GATAD2B: variants seen among roughly 807,000 people sequenced by gnomAD.
The protein encoded by GATAD2B is GATA zinc finger domain containing 2B.
A neutral mutation model predicts 64.3 loss-of-function variants in GATAD2B; 8 were observed. The ratio of observed to expected loss-of-function variants is 0.12; its 90% confidence interval spans 0.07 to 0.22. The LOEUF is 0.22. Among genes scored for constraint, GATAD2B ranks in the 10% least tolerant of loss-of-function variants. GATAD2B has a pLI of 1.00. For missense variants in GATAD2B, 453 were observed against 752.0 expected (o/e 0.60, Z 4.65); for synonymous variants, 281 against 271.3 (o/e 1.04, Z -0.35).
At position 153,848,692 on chromosome 1, in the gene GATAD2B, G is replaced by A. The variant is rs78375770; in HGVS notation, c.-1-20344C>T. On this transcript the variant is annotated intron_variant, in intron 1 of 10. Coordinates refer to ENST00000368655, the MANE Select transcript of GATAD2B (RefSeq NM_020699.4). ...TAGTCCATTATGCATGGTGGCTAAC[G>A]CCTGTACTTCAAGCACTTTGGGAGG... 9.3e-4 allele frequency among the ~76,000 whole-genome samples: 142 copies of A among 152,252 alleles called. 1 individual carries two copies. The East Asian group carries it at 0.023, about 24-fold the overall frequency.
chr1:153,908,033 G>A (rs1678001014), intron 1 of GATAD2B, among the ~76,000 whole-genome samples: 1 of 152,180 alleles, frequency 6.6e-6, no homozygotes, highest in Admixed American at 6.6e-5. Context: ...TTGAACTCCT[G>A]ACCTCATGAT....
chr1:153,821,444 T>C (rs1039646834), intron 2 of GATAD2B, among the ~76,000 whole-genome samples: 1 of 152,176 alleles, frequency 6.6e-6, no homozygotes, highest in African/African-American at 2.4e-5. Context: ...TAAATTTGTC[T>C]AGATTGCTGG....
At chr1:153,813,661 C>T (rs1396430107) in intron 7 of GATAD2B, among the ~76,000 whole-genome samples, 1 of 152,160 alleles carries the variant, frequency 6.6e-6, no homozygotes. Context: ...TCCTCATTTA[C>T]AAATGAGGAC....
chr1:153,847,540 G>A (rs1293886186), intron 1 of GATAD2B, among the ~76,000 whole-genome samples: 3 of 152,112 alleles, frequency 2.0e-5, no homozygotes. Context: ...GAATCACTGA[G>A]CCCGGCCTAA....
At chr1:153,849,363 G>A (rs1675807770) in intron 1 of GATAD2B, among the ~76,000 whole-genome samples, 3 of 152,106 alleles carry the variant, frequency 2.0e-5, no homozygotes, top group African/African-American at 7.2e-5. Context: ...CTTCTTAAAG[G>A]TCCCACTTCT....
chr1:153,881,158 C>T (rs7521632), intron 1 of GATAD2B, among the ~76,000 whole-genome samples: 1 of 152,012 alleles, frequency 6.6e-6, no homozygotes, highest in African/African-American at 2.4e-5. Flanking sequence ...CACACACGAG[C>T]GCGCGCACAT....
intron 2 of GATAD2B, among the ~76,000 whole-genome samples, chr1:153,826,099 G>A (rs905763830): frequency 5.3e-5 from 8 of 151,854 alleles, no homozygotes; most frequent in African/African-American, 1.9e-4. Flanking sequence ...CACCTCCCGG[G>A]TTCACACCAT....
chr1:153,852,011 A>T (rs1570959425), intron 1 of GATAD2B: 11 of 383,098 alleles, frequency 2.9e-5, no homozygotes, highest in East Asian at 2.6e-4. Flanking sequence ...CTTGCTTCCC[A>T]ATTTAGGGTT....
chr1:153,839,627 G>A (rs1430959762), intron 1 of GATAD2B, among the ~76,000 whole-genome samples: 1 of 152,168 alleles, frequency 6.6e-6, no homozygotes, highest in Non-Finnish European at 1.5e-5. Context: ...TATTTATAAT[G>A]AAGGAGACAA....
At chr1:153,852,783 T>C (rs1442239340) in intron 1 of GATAD2B, 15 of 949,428 alleles carry the variant, frequency 1.6e-5, no homozygotes, top group Non-Finnish European at 2.4e-5. Context: ...CATAACAACT[T>C]GGCTTCTGAA....
At chr1:153,872,866 G>T (rs1197832854) in intron 1 of GATAD2B, among the ~76,000 whole-genome samples, 1 of 151,958 alleles carries the variant, frequency 6.6e-6, no homozygotes, top group African/African-American at 2.4e-5. Flanking sequence ...TGTTTTTTGA[G>T]TACTTCCCAT....
At chr1:153,826,698 G>C (rs1235023920) in intron 2 of GATAD2B, among the ~76,000 whole-genome samples, 3 of 152,078 alleles carry the variant, frequency 2.0e-5, no homozygotes, top group African/African-American at 7.2e-5. Flanking sequence ...CCAGCACTTT[G>C]GGAGGCCAAT....
intron 1 of GATAD2B, among the ~76,000 whole-genome samples, chr1:153,877,869 C>T (rs1425499444): frequency 7.0e-6 from 1 of 143,612 alleles, no homozygotes; most frequent in East Asian, 2.0e-4. Context: ...CAGAGTGAGA[C>T]TCCATCTCAA....
chr1:153,873,507 A>G (rs1043163045), intron 1 of GATAD2B, among the ~76,000 whole-genome samples: 9 of 152,214 alleles, frequency 5.9e-5, no homozygotes, highest in African/African-American at 2.2e-4. Context: ...ATAAAAGCCA[A>G]TGTGGCTGTC....
intron 2 of GATAD2B, among the ~76,000 whole-genome samples, chr1:153,826,650 G>A: frequency 6.6e-6 from 1 of 150,752 alleles, no homozygotes. Context: ...CACACAACTT[G>A]GGTTATAAGC....
intron 1 of GATAD2B, among the ~76,000 whole-genome samples, chr1:153,919,365 C>G (rs1678361137): frequency 6.6e-6 from 1 of 152,204 alleles, no homozygotes; most frequent in Admixed American, 6.5e-5. Context: ...ACACTCCCTT[C>G]TTACTGGATG....
In GATAD2B at chr1:153,856,046, G is replaced by C. The variant is rs934807692; in HGVS notation, c.-1-27698C>G. Among the ~76,000 whole-genome samples, 3 of 152,180 alleles carry C rather than the reference G, an allele frequency of 2.0e-5. No individual in the cohort carries two copies. The East Asian group carries it at 5.8e-4, about 29-fold the overall frequency. On this transcript the variant is annotated intron_variant, in intron 1 of 10. Coordinates refer to ENST00000368655, the MANE Select transcript of GATAD2B (RefSeq NM_020699.4). ...CATTGTCCTGCTGTTCCCTGCTACA[G>C]ACAATCTACTCTGCTGGGTTCATGG...
chr1:153,838,647 C>T (rs1367033274), intron 1 of GATAD2B, among the ~76,000 whole-genome samples: 2 of 152,012 alleles, frequency 1.3e-5, no homozygotes, highest in South Asian at 2.1e-4. Flanking sequence ...ACTACAGATG[C>T]GAGCCACCAT....
chr1:153,893,953 T>C (rs1370928163), intron 1 of GATAD2B, among the ~76,000 whole-genome samples: 1 of 45,120 alleles, frequency 2.2e-5, no homozygotes, highest in Non-Finnish European at 4.2e-5. Context: ...CAAGACTCCA[T>C]CTAAAAAAAA....
Sources: allele counts gnomAD v4.1 joint callset (sites outside exome capture counted in the v4.1 genomes callset), GRCh38; gene constraint gnomAD v4.1.1; transcripts MANE v1.5; gene names NCBI Gene and HGNC (gene_info 2026-07-23, HGNC 2026-07-21).